The following PARD3B variants were observed in gnomAD, a reference collection of about 807,000 sequenced individuals.
The protein encoded by PARD3B is par-3 family cell polarity regulator beta, also known as partitioning defective 3 homolog B.
PARD3B carries 103 observed loss-of-function variants against 130.2 expected under a neutral mutation model. The ratio of observed to expected loss-of-function variants is 0.79; its 90% CI spans 0.67 to 0.93. The LOEUF (loss-of-function observed/expected upper bound fraction) is 0.93, where lower values mean the gene tolerates loss of function less well. Among genes scored for constraint, PARD3B ranks in the 40% least tolerant of loss-of-function variants. The probability of loss-of-function intolerance (pLI) is 0.00; values close to 1 mark genes in which losing one functional copy is unlikely to be tolerated. For missense variants in PARD3B, 1,609 were observed against 1,499.2 expected (o/e 1.07, Z -1.21); for synonymous variants, 583 against 553.2 (o/e 1.05, Z -0.76).
intron 1 of PARD3B, among the ~76,000 whole-genome samples, chr2:204,632,103 A>G (rs1469104057): frequency 6.6e-6 from 1 of 152,066 alleles, no homozygotes; most frequent in Non-Finnish European, 1.5e-5. Flanking sequence ...ATTAAAGAGC[A>G]CCATCCCCTC....
intron 3 of PARD3B, among the ~76,000 whole-genome samples, chr2:204,997,601 G>A (rs1037772726): frequency 6.6e-6 from 1 of 151,966 alleles, no homozygotes; most frequent in African/African-American, 2.4e-5. Context: ...TTAGACTTTC[G>A]TGGACACTAA....
chr2:205,047,169 A>G (rs1231385956), intron 3 of PARD3B, among the ~76,000 whole-genome samples: 1 of 152,218 alleles, frequency 6.6e-6, no homozygotes, highest in African/African-American at 2.4e-5. Context: ...ACCAAATGGC[A>G]GTAATAACTA....
chr2:205,057,340 TATACATATACATATATAC>T (rs1407866226), intron 4 of PARD3B, among the ~76,000 whole-genome samples: 42 of 90,776 alleles, frequency 4.6e-4, no homozygotes, highest in African/African-American at 1.1e-3. Context: ...ATATGTGTTA[TATACATATACATATATAC>T]ATGTATATGT....
chr2:205,508,020 A>G (rs552117082), intron 21 of PARD3B, among the ~76,000 whole-genome samples: 1 of 152,202 alleles, frequency 6.6e-6, no homozygotes, highest in Non-Finnish European at 1.5e-5. Context: ...TTCACCCCAG[A>G]ACGATCTGAG....
intron 15 of PARD3B, among the ~76,000 whole-genome samples, chr2:205,217,707 CAT>C (rs563459626): frequency 6.7e-6 from 1 of 149,452 alleles, no homozygotes; most frequent in Non-Finnish European, 1.5e-5. Flanking sequence ...TACACACATA[CAT>C]ATATATATAC....
intron 2 of PARD3B, among the ~76,000 whole-genome samples, chr2:204,893,580 G>T (rs2046528327): frequency 6.6e-6 from 1 of 152,156 alleles, no homozygotes; most frequent in South Asian, 2.1e-4. Flanking sequence ...TCATTCAAAT[G>T]TGAAAAGATA....
chr2:204,872,084 C>T (rs1285073543), intron 2 of PARD3B, among the ~76,000 whole-genome samples: 1 of 152,038 alleles, frequency 6.6e-6, no homozygotes, highest in Non-Finnish European at 1.5e-5. Flanking sequence ...ACACTATTGA[C>T]TCAAAACTAC....
In PARD3B at chr2:205,021,495, G is replaced by A. The variant is rs988722003; in HGVS notation, c.395-26086G>A. Among the ~76,000 whole-genome samples, 1 of 151,984 alleles carries A rather than the reference G, an allele frequency of 6.6e-6. No homozygotes were observed. Among genetic ancestry groups the A allele is most frequent in the African/African-American group, 2.4e-5 (1 of 41,370 alleles). ...CCTCTGGAAGTGGTAACTTTGGAAG[G>A]ACTGGTTGCAAAGTGGAACCAGAGT... On this transcript the variant is annotated intron_variant, in intron 3 of 22. Transcript: ENST00000406610. This position sits in a 1 kb window ranked among gnomAD's most constrained non-coding sequence, Gnocchi z 4.5.
intron 15 of PARD3B, among the ~76,000 whole-genome samples, chr2:205,219,035 G>A (rs1216442269): frequency 6.6e-6 from 1 of 151,410 alleles, no homozygotes; most frequent in Non-Finnish European, 1.5e-5. Context: ...AGCTGAGATT[G>A]CACCACTGCA....
intron 15 of PARD3B, among the ~76,000 whole-genome samples, chr2:205,217,023 CA>C (rs11294783): frequency 0.53 from 78,054 of 148,400 alleles, 20,418 homozygotes; most frequent in Admixed American, 0.65. Flanking sequence ...ATGTTTCAGG[CA>C]AAAAAAAAAA....
intron 2 of PARD3B, among the ~76,000 whole-genome samples, chr2:204,872,421 A>G (rs2045665939): frequency 6.6e-6 from 1 of 152,210 alleles, no homozygotes; most frequent in Non-Finnish European, 1.5e-5. Context: ...AGGGACATTT[A>G]GATGATCTCG....
At chr2:204,956,205 G>A (rs910664828) in intron 2 of PARD3B, among the ~76,000 whole-genome samples, 10 of 152,194 alleles carry the variant, frequency 6.6e-5, no homozygotes, top group African/African-American at 1.7e-4. Context: ...CCTATGGATG[G>A]TGGTGGCAGC....
chr2:205,523,326 C>A (rs35341823), intron 21 of PARD3B, among the ~76,000 whole-genome samples: 19,518 of 150,760 alleles, frequency 0.13, 1,701 homozygotes, highest in Middle Eastern at 0.21. Flanking sequence ...CTCACTGCAA[C>A]CTCCGCCTCC....
chr2:205,117,223 C>A (rs1250014350), intron 6 of PARD3B, among the ~76,000 whole-genome samples: 2 of 152,148 alleles, frequency 1.3e-5, no homozygotes, highest in Non-Finnish European at 2.9e-5. Flanking sequence ...CAAATAGTTT[C>A]ATTTTTAATA....
chr2:205,408,365 TC>T (rs1403605855), intron 19 of PARD3B, among the ~76,000 whole-genome samples: 1 of 152,156 alleles, frequency 6.6e-6, no homozygotes, highest in Non-Finnish European at 1.5e-5. Flanking sequence ...GAAAATCTAT[TC>T]CCAACCTCTC....
rs2054334357 is a variant in PARD3B, at chr2:205,590,182, A to T, written c.3261-25274A>T. 6.6e-6 allele frequency among the ~76,000 whole-genome samples: 1 copy of T among 152,228 alleles called. No homozygotes were observed. Among genetic ancestry groups the T allele is most frequent in the African/African-American group, 2.4e-5 (1 of 41,476 alleles). On this transcript the variant is annotated intron_variant, in intron 22 of 22. Coordinates refer to ENST00000406610, the MANE Select transcript of PARD3B (RefSeq NM_001302769.2). The surrounding 1 kb of genome is among the most constrained non-coding windows in gnomAD (Gnocchi z 4.1). ...TTATCCAATACAGGAAAAGAAATCTATTGGTAGATGTAACTGAATTGAAAA... is the reference window on the plus strand; with the variant it reads ...TTATCCAATACAGGAAAAGAAATCTTTTGGTAGATGTAACTGAATTGAAAA...
At chr2:204,912,004 C>CT (rs55868237) in intron 2 of PARD3B, among the ~76,000 whole-genome samples, 2 of 151,814 alleles carry the variant, frequency 1.3e-5, no homozygotes, top group African/African-American at 4.8e-5. Flanking sequence ...TTTAAACAAA[C>CT]ATGTTATTAG....
chr2:205,596,552 C>G lies in PARD3B; in HGVS notation c.3261-18904C>G, dbSNP rs1165849271. Among the ~76,000 whole-genome samples the G allele has an allele frequency of 2.6e-5, 4 of 152,048 alleles. No homozygotes were observed. The East Asian group carries it at 7.7e-4, about 29-fold the overall frequency. On this transcript the variant is annotated intron_variant, in intron 22 of 22. Transcript: ENST00000406610. ...ATGAAGGCTGAAAGTTACCCTTCAC[C>G]CTTTACTGAAAATTATCATGGGGTG...
In PARD3B at chr2:204,653,578, G is replaced by T. The variant is rs1254039706; in HGVS notation, c.121-32603G>T. Among the ~76,000 whole-genome samples, 4 of 150,592 alleles carry T rather than the reference G, an allele frequency of 2.7e-5. No homozygotes were observed. In the East Asian group the frequency reaches 7.8e-4, roughly 29 times the overall value. On this transcript the variant is annotated intron_variant, in intron 1 of 22. Transcript: ENST00000406610. The stretch of plus-strand genomic sequence containing the variant: ...GGCCGAGGTGGGTGGATCACCTGAG[G>T]TCAGGAGTTTGAGACCAGCCTGACC...
Sources: gnomAD v4.1 joint callset for allele counts (sites outside exome capture counted in the v4.1 genomes callset) on GRCh38, gnomAD v4.1.1 for gene constraint, Gnocchi (gnomAD v3.1) non-coding constraint, MANE v1.5 for transcripts, NCBI Gene and HGNC (gene_info 2026-07-23, HGNC 2026-07-21) for gene names.